The following TRPS1 variants were observed in gnomAD, a reference collection of about 807,000 sequenced individuals.
The protein encoded by TRPS1 is zinc finger transcription factor Trps1.
TRPS1 carries 6 observed loss-of-function variants against 101.2 expected under a neutral mutation model. The ratio of observed to expected loss-of-function variants is 0.06; its 90% CI spans 0.03 to 0.12. TRPS1 has a LOEUF of 0.12. Ranked by LOEUF, TRPS1 falls within the 10% of genes least tolerant of loss-of-function variation. The pLI is 1.00. For synonymous variants in TRPS1, 578 were observed against 589.8 expected (o/e 0.98, Z 0.29); for missense variants, 1,363 against 1,567.0 (o/e 0.87, Z 2.20).
At chr8:115,581,570 A>G (rs2130428946) in intron 5 of TRPS1, among the ~76,000 whole-genome samples, 1 of 152,320 alleles carries the variant, frequency 6.6e-6, no homozygotes, top group Middle Eastern at 3.4e-3. Flanking sequence ...GTGTGGGTTA[A>G]TGAAGCAGAC....
chr8:115,604,120 G>A lies in TRPS1; in HGVS notation c.1849C>T (p.Pro617Ser), dbSNP rs369619683. 83 of 1,613,992 alleles carry A rather than the reference G, an allele frequency of 5.1e-5. No homozygotes were observed. The highest frequency in any genetic ancestry group is 3.3e-4 in the Middle Eastern group (2 of 6,084). ...ACTCGCGAGCTTCCAGCCGCCCCAG[G>A]AGACAAGTGCAGAAGCAAGAGTGCA... ...HCALLLLHLSPGAAGSSRVKH... is the reference protein window; with the variant it reads ...HCALLLLHLSSGAAGSSRVKH... Residue 617 changes from proline to serine, a missense_variant, in exon 4 of 7, where the codon CCT (proline) becomes TCT (serine). Around this residue, in one of 5 missense-constraint regions of TRPS1, gnomAD observed 1,020 missense variants for 1,073.0 expected, o/e 0.95. Coordinates refer to ENST00000395715, the MANE Select transcript of TRPS1 (RefSeq NM_014112.5). The surrounding 1 kb of genome is among the most constrained non-coding windows in gnomAD (Gnocchi z 4.1).
chr8:115,528,515 A>C (rs2130255130), intron 5 of TRPS1, among the ~76,000 whole-genome samples: 1 of 152,216 alleles, frequency 6.6e-6, no homozygotes. Flanking sequence ...CGATTTTAAA[A>C]GATTTCAAAC....
intron 3 of TRPS1, among the ~76,000 whole-genome samples, chr8:115,613,531 A>G (rs1343348918): frequency 3.3e-5 from 5 of 152,182 alleles, no homozygotes; most frequent in Admixed American, 3.3e-4. Flanking sequence ...TGGCCAGGCC[A>G]TATATCAGTG....
rs150927298 is a variant in TRPS1 at position 115,659,761 on chromosome 8, T to C, written c.-122+8784A>G. Reference sequence around the variant, plus strand: ...AATGACATCACAAAGTAGGCACAAGTAGAATTTGGTTTTTAATTTGTTTTG... The same window carrying C: ...AATGACATCACAAAGTAGGCACAAGCAGAATTTGGTTTTTAATTTGTTTTG... On this transcript the variant is annotated intron_variant, in intron 1 of 6. Coordinates refer to ENST00000395715, the MANE Select transcript of TRPS1 (RefSeq NM_014112.5). Among the ~76,000 whole-genome samples the C allele has an allele frequency of 1.7e-3, 262 of 152,120 alleles. 2 individuals carry two copies. The highest frequency in any genetic ancestry group is 5.8e-3 in the African/African-American group (243 of 41,550).
rs566470407 is a variant in TRPS1 at position 115,542,146 on chromosome 8, A to G, written c.2700+44855T>C. Among the ~76,000 whole-genome samples the G allele has an allele frequency of 4.6e-5, 7 of 152,334 alleles. 1 individual carries two copies. The South Asian group carries it at 1.4e-3, about 32-fold the overall frequency. ...AAGACTACTGCAATTTACTATTTGC[A>G]GTGTTGGCAATTTACAATTCAAATG... On this transcript the variant is annotated intron_variant, in intron 5 of 6. Transcript: ENST00000395715.
intron 5 of TRPS1, among the ~76,000 whole-genome samples, chr8:115,439,291 C>T (rs1218488551): frequency 6.6e-6 from 1 of 152,146 alleles, no homozygotes; most frequent in Non-Finnish European, 1.5e-5. Flanking sequence ...GCTTGTGAAA[C>T]TGACATGGAA....
intron 5 of TRPS1, among the ~76,000 whole-genome samples, chr8:115,493,584 A>T (rs1815080381): frequency 6.6e-6 from 1 of 152,002 alleles, no homozygotes; most frequent in Non-Finnish European, 1.5e-5. Context: ...CCTGACCTCA[A>T]GTGATCCACC....
chr8:115,638,704 C>T (rs1028491968), intron 1 of TRPS1, among the ~76,000 whole-genome samples: 2 of 152,126 alleles, frequency 1.3e-5, no homozygotes, highest in Non-Finnish European at 2.9e-5. Flanking sequence ...GCACATTAAC[C>T]AAAACCAACA....
At chr8:115,561,083 C>T (rs750306779) in intron 5 of TRPS1, among the ~76,000 whole-genome samples, 10 of 152,098 alleles carry the variant, frequency 6.6e-5, no homozygotes, top group African/African-American at 1.9e-4. Flanking sequence ...CCTAACAGAA[C>T]GCTTTCTATG....
At chr8:115,464,584 T>C (rs1180624) in intron 5 of TRPS1, among the ~76,000 whole-genome samples, 65,668 of 151,998 alleles carry the variant, frequency 0.43, 14,634 homozygotes, top group African/African-American at 0.5. Flanking sequence ...TTACTTCCAG[T>C]AGGAAATGTG....
At chr8:115,617,671 T>C (rs773990578) in intron 3 of TRPS1, among the ~76,000 whole-genome samples, 52 of 152,196 alleles carry the variant, frequency 3.4e-4, no homozygotes, top group Non-Finnish European at 7.1e-4. Context: ...ATTATTCACT[T>C]CCAACCCTTT....
chr8:115,494,182 TCAAAGACCTTTCTGA>T (rs1423296365), intron 5 of TRPS1, among the ~76,000 whole-genome samples: 2 of 152,136 alleles, frequency 1.3e-5, no homozygotes, highest in Non-Finnish European at 2.9e-5. Context: ...CAAAATACTC[TCAAAGACCTTTCTGA>T]GCCAATAGCC....
chr8:115,623,981 C>T (rs1818452516), intron 1 of TRPS1, among the ~76,000 whole-genome samples: 1 of 151,994 alleles, frequency 6.6e-6, no homozygotes, highest in Admixed American at 6.6e-5. Context: ...AAGTCATTTT[C>T]ATAACAGACT....
At chr8:115,660,924 A>C (rs938847776) in intron 1 of TRPS1, among the ~76,000 whole-genome samples, 1 of 151,990 alleles carries the variant, frequency 6.6e-6, no homozygotes, top group African/African-American at 2.4e-5. Flanking sequence ...GGTGACGCAC[A>C]GAATCCATCA....
chr8:115,498,575 C>G (rs1403901281), intron 5 of TRPS1, among the ~76,000 whole-genome samples: 4 of 151,162 alleles, frequency 2.6e-5, no homozygotes, highest in Non-Finnish European at 5.9e-5. Context: ...TATATGGAAA[C>G]TAATAAGCCA....
chr8:115,562,756 A>T (rs1816974873), intron 5 of TRPS1, among the ~76,000 whole-genome samples: 1 of 152,038 alleles, frequency 6.6e-6, no homozygotes. Context: ...GGAGAAAAAA[A>T]GGAGCATATA....
intron 5 of TRPS1, among the ~76,000 whole-genome samples, chr8:115,575,726 T>C (rs953387726): frequency 6.6e-6 from 1 of 152,108 alleles, no homozygotes; most frequent in Non-Finnish European, 1.5e-5. Context: ...AAATAATTCA[T>C]ATATGAGTAA....
intron 1 of TRPS1, among the ~76,000 whole-genome samples, chr8:115,631,461 C>A (rs1818639104): frequency 6.6e-6 from 1 of 152,070 alleles, no homozygotes; most frequent in African/African-American, 2.4e-5. Context: ...ATCTGAGGCT[C>A]ATTTCCATCA....
chr8:115,564,808 T>G (rs568318978), intron 5 of TRPS1, among the ~76,000 whole-genome samples: 2 of 152,192 alleles, frequency 1.3e-5, no homozygotes, highest in African/African-American at 4.8e-5. Context: ...CTTACATAGT[T>G]GTGTTCTTTT....
Sources: allele counts gnomAD v4.1 joint callset (sites outside exome capture counted in the v4.1 genomes callset), GRCh38; gene constraint gnomAD v4.1.1; regional missense constraint gnomAD v4.1.1; non-coding constraint Gnocchi (gnomAD v3.1); transcripts MANE v1.5; gene names NCBI Gene and HGNC (gene_info 2026-07-23, HGNC 2026-07-21).